Variants in LRCH3 observed in about 807,000 individuals in gnomAD.
LRCH3 encodes the protein DISP complex protein LRCH3.
In LRCH3, 68 loss-of-function variants were observed where a neutral mutation model predicts 104.5. The ratio of observed to expected loss-of-function variants is 0.65; its 90% CI spans 0.54 to 0.80. LRCH3 has a LOEUF of 0.80. LRCH3 is among the 30% of genes least tolerant of loss of function. LRCH3 has a pLI of 0.00. For missense variants in LRCH3, 951 were observed against 953.9 expected (o/e 1.00, Z 0.04); for synonymous variants, 344 against 361.3 (o/e 0.95, Z 0.54).
intron 3 of LRCH3, among the ~76,000 whole-genome samples, chr3:197,817,701 G>T (rs1734013422): frequency 6.6e-6 from 1 of 151,788 alleles, no homozygotes; most frequent in Non-Finnish European, 1.5e-5. Context: ...TCTGATTTTT[G>T]ATTAGCTCCT....
rs1246349142 is a variant in LRCH3, at chr3:197,881,156, G to A, written c.2209-2385G>A. ...CTGAACCTTTGCAGCAGCTGCTCAC[G>A]AGGAGAACCGTCGTGCCTTTTCTGG... On this transcript the variant is annotated intron_variant, in intron 20 of 20. Transcript: ENST00000425562. 9.9e-6 allele frequency: 10 copies of A among 1,014,428 alleles called. No homozygotes were observed. The East Asian group carries it at 5.5e-4, about 56-fold the overall frequency. The allele number at this position is 1,014,428 out of a possible 1,614,324, so 62.8% of individuals were successfully genotyped here.
intron 1 of LRCH3, among the ~76,000 whole-genome samples, chr3:197,793,925 A>C (rs1730910337): frequency 6.6e-6 from 1 of 152,242 alleles, no homozygotes; most frequent in Non-Finnish European, 1.5e-5. Flanking sequence ...CAGATAATTT[A>C]ATGCCAATGA....
intron 18 of LRCH3, among the ~76,000 whole-genome samples, chr3:197,870,596 C>T (rs1712048085): frequency 6.6e-6 from 1 of 152,212 alleles, no homozygotes; most frequent in South Asian, 2.1e-4. Context: ...GAACTCCTGA[C>T]CTCAGGTGAT....
intron 15 of LRCH3, among the ~76,000 whole-genome samples, chr3:197,864,785 C>G (rs9758680): frequency 0.031 from 4,541 of 148,180 alleles, 252 homozygotes; most frequent in African/African-American, 0.11. Flanking sequence ...CTTTGGGAGG[C>G]TGAGGCGGGT....
At chr3:197,840,506 C>T (rs1737649718) in intron 10 of LRCH3, among the ~76,000 whole-genome samples, 1 of 152,184 alleles carries the variant, frequency 6.6e-6, no homozygotes, top group Admixed American at 6.5e-5. Context: ...TCGTTTAGAG[C>T]ACTGCTTCTC....
chr3:197,839,971 CAA>C (rs61011180), intron 10 of LRCH3, among the ~76,000 whole-genome samples: 26 of 111,060 alleles, frequency 2.3e-4, no homozygotes, highest in Admixed American at 2.9e-4. Flanking sequence ...GACCCTGTCT[CAA>C]AAAAAAAAAA....
At chr3:197,865,826 G>C (rs1411246245) in intron 16 of LRCH3, among the ~76,000 whole-genome samples, 1 of 147,992 alleles carries the variant, frequency 6.8e-6, no homozygotes, top group Non-Finnish European at 1.5e-5. Flanking sequence ...TCAGCCATTT[G>C]ATATGAATAA....
intron 7 of LRCH3, chr3:197,831,379 AT>A (rs943577657): frequency 6.6e-6 from 1 of 152,438 alleles, no homozygotes; most frequent in East Asian, 1.9e-4. Flanking sequence ...AAGTAAAAAA[AT>A]AAATAAAAAT....
At chr3:197,859,433 C>A (rs73892150) in intron 15 of LRCH3, 5,403 of 154,214 alleles carry the variant, frequency 0.035, 302 homozygotes, top group African/African-American at 0.12. Flanking sequence ...ACATCATATA[C>A]CTACAAGCCT....
chr3:197,838,098 C>T (rs977550522), intron 9 of LRCH3, among the ~76,000 whole-genome samples: 28 of 151,592 alleles, frequency 1.8e-4, no homozygotes, highest in Non-Finnish European at 3.4e-4. Context: ...ACTGGTACAG[C>T]GTCCTAGGAG....
chr3:197,826,490 T>G (rs1735223921), intron 4 of LRCH3, among the ~76,000 whole-genome samples: 1 of 152,212 alleles, frequency 6.6e-6, no homozygotes, highest in Non-Finnish European at 1.5e-5. Flanking sequence ...TGCTGATTCC[T>G]GGGAACATTG....
At chr3:197,853,229 A>T (rs1739860275) in intron 13 of LRCH3, among the ~76,000 whole-genome samples, 1 of 151,418 alleles carries the variant, frequency 6.6e-6, no homozygotes, top group Non-Finnish European at 1.5e-5. Context: ...TCACTTTGTC[A>T]CCCAGGCTGG....
At chr3:197,859,613 A>G (rs998849890) in intron 15 of LRCH3, among the ~76,000 whole-genome samples, 6 of 152,236 alleles carry the variant, frequency 3.9e-5, no homozygotes, top group African/African-American at 1.4e-4. Flanking sequence ...AGGAGTGGTA[A>G]TTCCATATTT....
Position 197,882,594 on chromosome 3 carries a change from G to T in LRCH3, c.2209-947G>T, listed in dbSNP as rs200902858. ...ATATAATCTTTTTTTAGTGGCACCA[G>T]AATTCTATATTCTGTTCTTTGTAAG... On this transcript the variant is annotated intron_variant, in intron 20 of 20. Transcript: ENST00000425562. The T allele has an allele frequency of 3.5e-5, 34 of 964,436 alleles. No homozygotes were observed. In the East Asian group the frequency reaches 3.2e-3, roughly 91 times the overall value. 59.7% of individuals were successfully genotyped at this position (964,436 alleles called of 1,614,324 possible).
intron 16 of LRCH3, 104 bp from the exon 17 acceptor site, chr3:197,866,007 AT>A: frequency 1.2e-6 from 1 of 807,960 alleles, no homozygotes; most frequent in Non-Finnish European, 2.0e-6. Context: ...GAATTATTTT[AT>A]ATCATTGCCA....
intron 1 of LRCH3, among the ~76,000 whole-genome samples, chr3:197,798,202 A>T (rs1484404143): frequency 6.6e-6 from 1 of 152,154 alleles, no homozygotes; most frequent in Admixed American, 6.5e-5. Context: ...TTGAGGGTGC[A>T]GTGAGCGGAG....
chr3:197,800,197 T>C (rs548766974), intron 1 of LRCH3, among the ~76,000 whole-genome samples: 1 of 150,510 alleles, frequency 6.6e-6, no homozygotes, highest in Non-Finnish European at 1.5e-5. Context: ...AGTGAGACTG[T>C]CTCAAAAAAA....
At chr3:197,836,283 T>C (rs1736780816) in intron 9 of LRCH3, among the ~76,000 whole-genome samples, 1 of 152,238 alleles carries the variant, frequency 6.6e-6, no homozygotes, top group African/African-American at 2.4e-5. Flanking sequence ...TATTGGAGCT[T>C]TTGTGCTAAG....
intron 10 of LRCH3, among the ~76,000 whole-genome samples, chr3:197,840,732 A>ATCT (rs1553921370): frequency 6.6e-6 from 1 of 151,588 alleles, no homozygotes; most frequent in South Asian, 2.1e-4. Flanking sequence ...AAAAAGACAG[A>ATCT]CATCACTGTG....
Sources: allele counts gnomAD v4.1 joint callset (sites outside exome capture counted in the v4.1 genomes callset), GRCh38; gene constraint gnomAD v4.1.1; transcripts MANE v1.5; gene names NCBI Gene and HGNC (gene_info 2026-07-23, HGNC 2026-07-21).